Variants in PKHD1 observed in about 807,000 individuals in gnomAD.
PKHD1 encodes the protein PKHD1 ciliary IPT domain containing fibrocystin/polyductin, also known as fibrocystin.
Under a neutral mutation model 412.0 loss-of-function variants are expected in PKHD1, and 291 were observed. The ratio of observed to expected loss-of-function variants is 0.71; its 90% CI spans 0.64 to 0.78. The LOEUF is 0.78. Among genes scored for constraint, PKHD1 ranks in the 30% least tolerant of loss-of-function variants. PKHD1 has a pLI of 0.00. For synonymous variants in PKHD1, 1,777 were observed against 1,821.5 expected, an observed-to-expected ratio of 0.98 and a Z score of 0.62; for missense variants, 4,825 against 4,950.7, an observed-to-expected ratio of 0.97 and a Z score of 0.76.
At position 52,003,212 on chromosome 6, in the gene PKHD1, A is replaced by C. The variant is rs75278529; in HGVS notation, c.5751+7097T>G. On this transcript the variant is annotated intron_variant, in intron 35 of 66. Coordinates refer to ENST00000371117, the MANE Select transcript of PKHD1 (RefSeq NM_138694.4). Reference sequence around the variant, plus strand: ...GAGTCTAAATGAATTTTAAAATATAAATATTTTGGAAAAAATTATGATGAC... The same window carrying C: ...GAGTCTAAATGAATTTTAAAATATACATATTTTGGAAAAAATTATGATGAC... Among the ~76,000 whole-genome samples the C allele has an allele frequency of 8.8e-3, 1,336 of 152,258 alleles. 21 individuals carry two copies. The highest frequency in any genetic ancestry group is 0.03 in the African/African-American group (1,244 of 41,548).
At chr6:52,029,640 T>C (rs1385766611) in intron 29 of PKHD1, among the ~76,000 whole-genome samples, 3 of 152,224 alleles carry the variant, frequency 2.0e-5, no homozygotes, top group Non-Finnish European at 4.4e-5. Context: ...CATTTATTTC[T>C]AGAAATTTCA....
chr6:51,685,758 G>T (rs1162542819), intron 60 of PKHD1, among the ~76,000 whole-genome samples: 5 of 152,134 alleles, frequency 3.3e-5, no homozygotes, highest in African/African-American at 1.2e-4. Flanking sequence ...CTGTGGCAGT[G>T]GTTGCCAAAG....
chr6:51,867,270 C>T (rs993350060), intron 48 of PKHD1, among the ~76,000 whole-genome samples: 1 of 152,162 alleles, frequency 6.6e-6, no homozygotes, highest in African/African-American at 2.4e-5. Context: ...AGGAGCAATC[C>T]TATTATGCAT....
intron 35 of PKHD1, among the ~76,000 whole-genome samples, chr6:51,987,293 G>T (rs554912452): frequency 1.3e-5 from 2 of 152,214 alleles, no homozygotes; most frequent in African/African-American, 4.8e-5. Context: ...AAGGTATGAG[G>T]CTGGGAGAAA....
chr6:51,707,936 T>A (rs1780205029), intron 60 of PKHD1, among the ~76,000 whole-genome samples: 1 of 152,158 alleles, frequency 6.6e-6, no homozygotes, highest in Non-Finnish European at 1.5e-5. Context: ...GTCTAGTCAT[T>A]CCTTCAACAT....
At chr6:51,811,367 A>T (rs1390973098) in intron 52 of PKHD1, among the ~76,000 whole-genome samples, 1 of 152,190 alleles carries the variant, frequency 6.6e-6, no homozygotes, top group Non-Finnish European at 1.5e-5. Flanking sequence ...CATCAGTAAG[A>T]TGGTAATTCA....
chr6:51,758,852 C>CAA (rs1787507799), intron 55 of PKHD1, among the ~76,000 whole-genome samples: 1 of 152,084 alleles, frequency 6.6e-6, no homozygotes, highest in African/African-American at 2.4e-5. Flanking sequence ...AAAAATGCTT[C>CAA]AAAATTTGAT....
chr6:51,642,586 T>A (rs542811296), intron 63 of PKHD1, among the ~76,000 whole-genome samples: 1 of 152,256 alleles, frequency 6.6e-6, no homozygotes, highest in Admixed American at 6.5e-5. Context: ...ACACCTGTAA[T>A]CCCGACACTT....
Position 51,703,340 on chromosome 6 carries a change from G to T in PKHD1, c.10156+41045C>A, listed in dbSNP as rs577853495. 3.3e-5 allele frequency among the ~76,000 whole-genome samples: 5 copies of T among 151,958 alleles called. No homozygotes were observed. In the East Asian group the frequency reaches 9.7e-4, roughly 29 times the overall value. On this transcript the variant is annotated intron_variant, in intron 60 of 66. Coordinates refer to ENST00000371117, the MANE Select transcript of PKHD1 (RefSeq NM_138694.4). ...CCAGTAATTTGCTTGAATCAGAAGG[G>T]ACTGTGAGGATACAGTCAAGAAGTA...
At chr6:51,839,939 T>A (rs913503957) in intron 50 of PKHD1, among the ~76,000 whole-genome samples, 1 of 151,992 alleles carries the variant, frequency 6.6e-6, no homozygotes, top group South Asian at 2.1e-4. Context: ...CCCTGACTCA[T>A]GACTTCTCTT....
At chr6:52,053,896 A>C (rs1369495053) in intron 20 of PKHD1, 142 bp downstream of exon 20, 1 of 851,754 alleles carries the variant, frequency 1.2e-6, no homozygotes, top group Non-Finnish European at 1.9e-6. Context: ...TTTTTTGTCA[A>C]ATAAAATATA....
At chr6:51,769,754 TAAGAA>T (rs1789738716) in intron 55 of PKHD1, among the ~76,000 whole-genome samples, 1 of 151,438 alleles carries the variant, frequency 6.6e-6, no homozygotes, top group Admixed American at 6.6e-5. Context: ...AAACTGTCAA[TAAGAA>T]AAGTTTGTTT....
At chr6:51,817,054 AAG>A (rs1281386653) in intron 52 of PKHD1, among the ~76,000 whole-genome samples, 1 of 136,166 alleles carries the variant, frequency 7.3e-6, no homozygotes, top group African/African-American at 2.8e-5. Flanking sequence ...TCCGAGGAGC[AAG>A]AGAGAGTCAT....
chr6:51,698,058 C>A (rs1435045625), intron 60 of PKHD1, among the ~76,000 whole-genome samples: 1 of 152,122 alleles, frequency 6.6e-6, no homozygotes, highest in Non-Finnish European at 1.5e-5. Flanking sequence ...GTAAATGGTA[C>A]AAAGTAACTG....
intron 52 of PKHD1, among the ~76,000 whole-genome samples, chr6:51,828,567 C>T (rs1213916072): frequency 6.6e-6 from 1 of 152,052 alleles, no homozygotes; most frequent in African/African-American, 2.4e-5. Context: ...TGTGTCAATG[C>T]TGTCAAACAC....
chr6:51,717,606 T>C (rs1173925328), intron 60 of PKHD1, among the ~76,000 whole-genome samples: 1 of 152,188 alleles, frequency 6.6e-6, no homozygotes, highest in Non-Finnish European at 1.5e-5. Context: ...CTATGCCATA[T>C]AGCCCAGGTT....
At chr6:51,716,285 G>C (rs936762734) in intron 60 of PKHD1, among the ~76,000 whole-genome samples, 1 of 152,132 alleles carries the variant, frequency 6.6e-6, no homozygotes, top group African/African-American at 2.4e-5. Flanking sequence ...CTTAACCCCA[G>C]CCTTCATATG....
chr6:51,643,818 C>T (rs1455964727), intron 63 of PKHD1, among the ~76,000 whole-genome samples: 1 of 152,042 alleles, frequency 6.6e-6, no homozygotes, highest in Non-Finnish European at 1.5e-5. Context: ...CATGCATTAG[C>T]TATTCATCCT....
At chr6:51,905,997 G>A (rs143055492) in intron 41 of PKHD1, among the ~76,000 whole-genome samples, 140 of 152,234 alleles carry the variant, frequency 9.2e-4, no homozygotes, top group African/African-American at 3.3e-3. Context: ...TTATTAACCT[G>A]AACTAACCTT....
Sources: gnomAD v4.1 joint callset for allele counts (sites outside exome capture counted in the v4.1 genomes callset) on GRCh38, gnomAD v4.1.1 for gene constraint, MANE v1.5 for transcripts, NCBI Gene and HGNC (gene_info 2026-07-23, HGNC 2026-07-21) for gene names.